The following ADPRHL1 variants were observed in gnomAD, a reference collection of about 807,000 sequenced individuals.
ADPRHL1 encodes the protein ADP-ribosylhydrolase like 1.
ADPRHL1 carries 43 observed loss-of-function variants against 44.1 expected under a neutral mutation model. The observed-to-expected ratio is 0.98, with a 90% CI of 0.76 to 1.26. The LOEUF is 1.26. Among genes scored for constraint, ADPRHL1 ranks in the 50% most tolerant of loss-of-function variants. The probability of loss-of-function intolerance (pLI) is 0.00; values close to 1 mark genes in which losing one functional copy is unlikely to be tolerated. For missense variants in ADPRHL1, 2,022 were observed against 2,496.9 expected (o/e 0.81, Z 4.05); for synonymous variants, 878 against 1,017.4 (o/e 0.86, Z 2.61).
chr13:113,425,341 T>G (rs533944379), intron 4 of ADPRHL1, among the ~76,000 whole-genome samples, 162 bp from the exon 5 acceptor site: 18 of 152,334 alleles, frequency 1.2e-4, no homozygotes, highest in Non-Finnish European at 2.4e-4. Context: ...GCACCTGTCC[T>G]GGAGTAAACA....
intron 7 of ADPRHL1, among the ~76,000 whole-genome samples, chr13:113,412,924 A>G (rs9549407): frequency 7.5e-4 from 19 of 25,204 alleles, no homozygotes; most frequent in African/African-American, 1.2e-3. Flanking sequence ...ACCCCGCAGA[A>G]CTCGGTTCAC....
rs1026507636 is a variant in ADPRHL1 at position 113,420,839 on chromosome 13, C to T, written c.1061+1987G>A. ...GCAAAGCGTGTCCCTATCCCTGGGA[C>T]ACCTCTACCCCTGGGACACACCTAG... On this transcript the variant is annotated intron_variant, in intron 7 of 7. Coordinates refer to ENST00000612156, the MANE Select transcript of ADPRHL1 (RefSeq NM_001394807.1). 3.4e-4 allele frequency among the ~76,000 whole-genome samples: 52 copies of T among 151,438 alleles called. 1 individual carries two copies. The highest frequency in any genetic ancestry group is 3.1e-3 in the Admixed American group (47 of 15,232).
At position 113,425,137 on chromosome 13, in the gene ADPRHL1, A is replaced by G. The variant is rs1410563059; in HGVS notation, c.689T>C (p.Phe230Ser). 6.2e-7 allele frequency: 1 copy of G among 1,612,402 alleles called. No individual in the cohort carries two copies. Among genetic ancestry groups the G allele is most frequent in the Non-Finnish European group, 8.5e-7 (1 of 1,179,318 alleles). ...HWFYFEAKWQFYLEERKISKD... is the reference protein window; with the variant it reads ...HWFYFEAKWQSYLEERKISKD... ...ACTGATTTTCCTCTCCTCCAAATAAAATTGCCATTTAGCTTCAAAGTAAAA... is the reference window on the plus strand; with the variant it reads ...ACTGATTTTCCTCTCCTCCAAATAAGATTGCCATTTAGCTTCAAAGTAAAA... Residue 230 changes from phenylalanine (F) to serine (S), a missense_variant, in exon 5 of 8, where the codon TTT (phenylalanine) becomes TCT (serine). Phe to Ser is a radical substitution (Grantham distance 155). Transcript: ENST00000612156.
rs760737716 is a variant in ADPRHL1 at position 113,408,134 on chromosome 13, G to T, written c.1148C>A (p.Pro383Gln). 4.1e-6 allele frequency: 5 copies of T among 1,232,044 alleles called. No individual in the cohort carries two copies. In the South Asian group the frequency reaches 2.1e-4, roughly 51 times the overall value. 76.3% of individuals were successfully genotyped at this position (1,232,044 alleles called of 1,614,324 possible). ...KKKMGKLACD[P>Q]AAHSILSSLL... Reference sequence around the variant, plus strand: ...GCTGCTGAGGATGGAGTGGGCGGCCGGGTCACAGGCCAGCTTGCCCATCTT... The same window carrying T: ...GCTGCTGAGGATGGAGTGGGCGGCCTGGTCACAGGCCAGCTTGCCCATCTT... The change falls in exon 8 of 8, where the codon CCG becomes CAG. Residue 383 changes from proline to glutamine, a missense_variant. By Grantham distance (76) the Pro-to-Gln change is moderately conservative. This residue lies in a region of ADPRHL1 where 1,221 missense variants were observed against 1,517.8 expected (regional missense o/e 0.80). Coordinates refer to ENST00000612156, the MANE Select transcript of ADPRHL1 (RefSeq NM_001394807.1).
chr13:113,438,673 C>T (rs891416055), intron 2 of ADPRHL1, among the ~76,000 whole-genome samples: 2 of 152,128 alleles, frequency 1.3e-5, no homozygotes. Context: ...CAGAGCGAGA[C>T]TCCATCTCAA....
rs1456907806 is a variant in ADPRHL1 at position 113,400,136 on chromosome 13, TTTTC to T, written c.*3238_*3241del. On this transcript the variant is annotated 3_prime_UTR_variant, in exon 8 of 8. Transcript: ENST00000612156. ...AAAATAAATATCCTGTTTTCTTTTC[TTTTC>T]TTTTCTTCTTTTTTTTTTTTTTTTT... The T allele has an allele frequency of 1.4e-5, 2 of 141,822 alleles. No individual in the cohort carries two copies. The highest frequency in any genetic ancestry group is 3.1e-5 in the Non-Finnish European group (2 of 65,562). The allele number at this position is 141,822 out of a possible 1,614,324, so 8.8% of individuals were successfully genotyped here.
At chr13:113,440,991 A>G (rs1364329502) in intron 2 of ADPRHL1, among the ~76,000 whole-genome samples, 2 of 152,080 alleles carry the variant, frequency 1.3e-5, no homozygotes, top group Non-Finnish European at 2.9e-5. Context: ...TGTCACTACT[A>G]AAAATTCAAA....
At chr13:113,411,765 C>T (rs140613904) in intron 7 of ADPRHL1, among the ~76,000 whole-genome samples, 1,761 of 152,354 alleles carry the variant, frequency 0.012, 19 homozygotes, top group Middle Eastern at 0.037. Flanking sequence ...GAGGCGTCCG[C>T]GGTTCAGGAT....
intron 1 of ADPRHL1, among the ~76,000 whole-genome samples, chr13:113,447,414 GTGT>G (rs913456707): frequency 1.3e-5 from 2 of 150,752 alleles, no homozygotes; most frequent in African/African-American, 4.9e-5. Context: ...TACATGCACG[GTGT>G]TGTGTGTGCA....
At chr13:113,408,864 GAA>G (rs2043828866) in intron 7 of ADPRHL1, among the ~76,000 whole-genome samples, 1 of 149,912 alleles carries the variant, frequency 6.7e-6, no homozygotes, top group Non-Finnish European at 1.5e-5. Flanking sequence ...CTGCAGAGAG[GAA>G]GGGAGGAGGG....
At position 113,407,340 on chromosome 13, in the gene ADPRHL1, G is replaced by A; in HGVS notation, c.1942C>T (p.Pro648Ser). The A allele has an allele frequency of 8.1e-7, 1 of 1,232,030 alleles. No homozygotes were observed. The highest frequency in any genetic ancestry group is 3.1e-4 in the Middle Eastern group (1 of 3,208). The allele number at this position is 1,232,030 out of a possible 1,614,324, so 76.3% of individuals were successfully genotyped here. ...TKISHSEARR[P>S]PRGEASVPPS... is the part of the protein sequence containing the mutation. ...GGCACGCTGGCTTCTCCTCTGGGTG[G>A]ACGCCTTGCCTCCGAGTGGCTGATT... The change falls in exon 8 of 8, where the codon CCA becomes TCA. Residue 648 changes from proline (P) to serine (S), a missense_variant. By Grantham distance (74) the Pro-to-Ser change is moderately conservative. Coordinates refer to ENST00000612156, the MANE Select transcript of ADPRHL1 (RefSeq NM_001394807.1).
intron 1 of ADPRHL1, among the ~76,000 whole-genome samples, chr13:113,447,142 A>C (rs1354119793): frequency 7.9e-6 from 1 of 125,910 alleles, no homozygotes; most frequent in Non-Finnish European, 1.6e-5. Flanking sequence ...TGCAAGTTGT[A>C]TGTGCATGGC....
chr13:113,404,729 C>T lies in ADPRHL1; in HGVS notation c.4553G>A (p.Gly1518Glu), dbSNP rs1275314443. 7.9e-7 allele frequency: 1 copy of T among 1,269,672 alleles called. No individual in the cohort carries two copies. The highest frequency in any genetic ancestry group is 3.1e-5 in the East Asian group (1 of 31,792). 78.7% of individuals were successfully genotyped at this position (1,269,672 alleles called of 1,614,324 possible). A position where few individuals can be genotyped will look rare whatever the true frequency, so the allele number is the denominator to read the frequency against. The change falls in exon 8 of 8, where the codon GGG becomes GAG. Residue 1518 changes from glycine to glutamate, a missense_variant. By Grantham distance (98) the Gly-to-Glu change is moderately conservative. Coordinates refer to ENST00000612156, the MANE Select transcript of ADPRHL1 (RefSeq NM_001394807.1). The stretch of plus-strand genomic sequence containing the variant: ...ACCCTGAGCCTGTTCCTGTGCCTGC[C>T]CCTGGGCCTCTATCTGGGTCTGCCA... ...AQWQTQIEAQ[G>E]QAQEQAQGGT...
In ADPRHL1 at chr13:113,406,559, A is replaced by G. The variant is rs1355743117; in HGVS notation, c.2723T>C (p.Met908Thr). ...APVELSKLSG[M>T]QAGLSASSPQ... Reference sequence around the variant, plus strand: ...CGAAGAGGCGCTGAGTCCCGCCTGCATCCCTGAAAGCTTGCTCAGTTCCAC... The same window carrying G: ...CGAAGAGGCGCTGAGTCCCGCCTGCGTCCCTGAAAGCTTGCTCAGTTCCAC... The change falls in exon 8 of 8, where the codon ATG becomes ACG. Residue 908 changes from methionine (M) to threonine (T), a missense_variant. Physicochemically the swap from Met to Thr is moderately conservative, Grantham distance 81. Transcript: ENST00000612156. The G allele has an allele frequency of 4.1e-6, 5 of 1,231,676 alleles. No homozygotes were observed. The highest frequency in any genetic ancestry group is 5.1e-6 in the Non-Finnish European group (5 of 987,966). 76.3% of individuals were successfully genotyped at this position (1,231,676 alleles called of 1,614,324 possible).
At chr13:113,433,610 C>T in intron 3 of ADPRHL1, 132 bp downstream of exon 3, 2 of 1,444,864 alleles carry the variant, frequency 1.4e-6, no homozygotes, top group South Asian at 1.4e-5. Flanking sequence ...CTTCTGTCTC[C>T]TTTAAGCAGA....
chr13:113,423,230 C>T (rs949996585), intron 6 of ADPRHL1, among the ~76,000 whole-genome samples: 44 of 151,864 alleles, frequency 2.9e-4, no homozygotes, highest in African/African-American at 8.0e-4. Context: ...GCACTCCAGC[C>T]GGAGTGACAG....
At chr13:113,434,146 G>A (rs1247478904) in intron 2 of ADPRHL1, among the ~76,000 whole-genome samples, 2 of 152,160 alleles carry the variant, frequency 1.3e-5, no homozygotes, top group Admixed American at 6.6e-5. Flanking sequence ...TGCTTTCAAC[G>A]AGATGTTTTC....
chr13:113,449,250 C>T (rs919929693), intron 1 of ADPRHL1: 1 of 969,824 alleles, frequency 1.0e-6, no homozygotes, highest in Non-Finnish European at 1.2e-6. Context: ...CAGCCCCAGT[C>T]AGAGAGGCTC....
chr13:113,414,372 C>T (rs187448871), intron 7 of ADPRHL1, among the ~76,000 whole-genome samples: 44 of 152,254 alleles, frequency 2.9e-4, no homozygotes, highest in African/African-American at 9.1e-4. Flanking sequence ...TGCGGATGAG[C>T]CTGGAGCCGC....
Sources: gnomAD v4.1 joint callset for allele counts (sites outside exome capture counted in the v4.1 genomes callset) on GRCh38, gnomAD v4.1.1 for gene constraint, gnomAD v4.1.1 regional missense constraint, MANE v1.5 for transcripts, NCBI Gene and HGNC (gene_info 2026-07-23, HGNC 2026-07-21) for gene names.